The following CNTN5 variants were observed in gnomAD, a reference collection of about 807,000 sequenced individuals.
CNTN5 encodes the protein contactin-5.
A neutral mutation model predicts 129.1 loss-of-function variants in CNTN5; 77 were observed. The observed-to-expected ratio is 0.60, with a 90% CI of 0.50 to 0.72. CNTN5 has a LOEUF of 0.72. CNTN5 is among the 30% of genes least tolerant of loss of function. CNTN5 has a pLI of 0.00. For synonymous variants in CNTN5, 509 were observed against 465.6 expected (o/e 1.09, Z -1.20); for missense variants, 1,478 against 1,328.8 (o/e 1.11, Z -1.75).
At position 100,002,001 on chromosome 11, in the gene CNTN5, T is replaced by C. The variant is rs1939903086; in HGVS notation, c.878-33T>C. The C allele has an allele frequency of 5.8e-6, 8 of 1,382,762 alleles. No individual in the cohort carries two copies. In the South Asian group the frequency reaches 7.9e-5, roughly 14 times the overall value. 85.7% of individuals were successfully genotyped at this position (1,382,762 alleles called of 1,614,324 possible). A position where few individuals can be genotyped will look rare whatever the true frequency, so the allele number is the denominator to read the frequency against. On this transcript the variant is annotated intron_variant, in intron 8 of 24. Coordinates refer to ENST00000524871, the MANE Select transcript of CNTN5 (RefSeq NM_014361.4). ...ATTAAGAAACAAATTGTAACATTCA[T>C]TTGATGCTTAAAGACTATTCTTTCT...
chr11:100,189,896 T>C (rs1217058425), intron 13 of CNTN5, among the ~76,000 whole-genome samples: 3 of 152,130 alleles, frequency 2.0e-5, no homozygotes, highest in Non-Finnish European at 4.4e-5. Context: ...TAAATCAAGT[T>C]TGATCCATAT....
At chr11:99,648,826 T>A (rs1284025006) in intron 3 of CNTN5, among the ~76,000 whole-genome samples, 1 of 151,836 alleles carries the variant, frequency 6.6e-6, no homozygotes, top group Non-Finnish European at 1.5e-5. Flanking sequence ...AAACACTGCA[T>A]GTCCCACTCA....
At position 100,340,540 on chromosome 11, in the gene CNTN5, C is replaced by A. The variant is rs1416667473; in HGVS notation, c.2808C>A (p.Ile936=). 1 of 1,613,172 alleles carries A rather than the reference C, an allele frequency of 6.2e-7. No individual in the cohort carries two copies. The highest frequency in any genetic ancestry group is 1.7e-4 in the Middle Eastern group (1 of 6,058). The change falls in exon 22 of 25, where the codon ATC becomes ATA. Residue 936 remains isoleucine (I), a synonymous_variant. Transcript: ENST00000524871. ...CTAGAGGGAATGAGTCTTTCGTCATCCTAACAGGATTAGAAGGAAATACGT... is the reference window on the plus strand; with the variant it reads ...CTAGAGGGAATGAGTCTTTCGTCATACTAACAGGATTAGAAGGAAATACGT... ...VKTRGNESFV[I]LTGLEGNTLY...
At chr11:99,031,556 G>A (rs1167807212) in intron 1 of CNTN5, among the ~76,000 whole-genome samples, 1 of 151,812 alleles carries the variant, frequency 6.6e-6, no homozygotes, top group Non-Finnish European at 1.5e-5. Flanking sequence ...GCAGACAGGA[G>A]AGGGAGCTGA....
chr11:100,334,961 T>A (rs1207626550), intron 21 of CNTN5, among the ~76,000 whole-genome samples: 1 of 138,128 alleles, frequency 7.2e-6, no homozygotes, highest in African/African-American at 2.9e-5. Context: ...ATTAGACAAT[T>A]TTTTTTTAAA....
intron 1 of CNTN5, among the ~76,000 whole-genome samples, chr11:99,075,809 G>T (rs1458909021): frequency 6.6e-6 from 1 of 152,198 alleles, no homozygotes; most frequent in African/African-American, 2.4e-5. Context: ...ACCAAGTTAA[G>T]ACTGATGTTG....
intron 1 of CNTN5, among the ~76,000 whole-genome samples, chr11:99,070,925 A>C (rs766057189): frequency 1.1e-4 from 17 of 152,164 alleles, no homozygotes; most frequent in Non-Finnish European, 2.4e-4. Flanking sequence ...CCTGGAATGA[A>C]CATGCAAATC....
chr11:99,933,770 C>T (rs1950242899), intron 7 of CNTN5, among the ~76,000 whole-genome samples: 1 of 152,170 alleles, frequency 6.6e-6, no homozygotes, highest in Non-Finnish European at 1.5e-5. Flanking sequence ...GTTATGTCTG[C>T]ACCAAACCTA....
intron 6 of CNTN5, among the ~76,000 whole-genome samples, chr11:99,850,970 C>T (rs760667667): frequency 1.3e-5 from 2 of 152,008 alleles, no homozygotes; most frequent in Non-Finnish European, 1.5e-5. Flanking sequence ...TTTCCTTAAC[C>T]GGAACTAGAA....
chr11:100,229,709 C>G (rs746391777), intron 16 of CNTN5, among the ~76,000 whole-genome samples: 15 of 152,196 alleles, frequency 9.9e-5, no homozygotes, highest in Non-Finnish European at 2.2e-4. Flanking sequence ...GCTGTATCTT[C>G]ACATCTCTCA....
intron 13 of CNTN5, among the ~76,000 whole-genome samples, chr11:100,176,601 C>A (rs1947973275): frequency 1.3e-5 from 2 of 151,924 alleles, no homozygotes; most frequent in Admixed American, 1.3e-4. Context: ...TGAGTTCAGG[C>A]AGATATATTT....
chr11:99,245,084 T>A (rs565628774), intron 1 of CNTN5, among the ~76,000 whole-genome samples: 1 of 152,186 alleles, frequency 6.6e-6, no homozygotes, highest in Non-Finnish European at 1.5e-5. Flanking sequence ...ATGAGGCATA[T>A]GCAAAAAATT....
chr11:100,308,295 C>A (rs1951400388), intron 20 of CNTN5, 64 bp from the exon 21 acceptor site: 2 of 1,435,490 alleles, frequency 1.4e-6, no homozygotes, highest in Middle Eastern at 1.8e-4. Context: ...ACCTGACAGA[C>A]TCAGGCGCAA....
intron 8 of CNTN5, 118 bp from the exon 9 acceptor site, chr11:100,001,916 C>G (rs956014591): frequency 6.9e-5 from 48 of 693,546 alleles, no homozygotes; most frequent in Middle Eastern, 2.5e-4. Context: ...AAAAATTTAA[C>G]AGTCATCAAA....
chr11:99,544,626 G>C (rs1184738542), intron 2 of CNTN5, among the ~76,000 whole-genome samples: 1 of 152,174 alleles, frequency 6.6e-6, no homozygotes, highest in African/African-American at 2.4e-5. Context: ...AGAAATTATA[G>C]TGACTCTACT....
At chr11:100,072,990 C>A (rs376679790) in intron 12 of CNTN5, among the ~76,000 whole-genome samples, 507 of 78,760 alleles carry the variant, frequency 6.4e-3, no homozygotes, top group Middle Eastern at 0.012. Flanking sequence ...TCCCAGGAGG[C>A]AAAAAAAAAA....
intron 6 of CNTN5, among the ~76,000 whole-genome samples, chr11:99,877,974 A>G (rs1331414482): frequency 1.3e-5 from 2 of 152,220 alleles, no homozygotes; most frequent in Admixed American, 6.5e-5. Context: ...TGAACTTCAT[A>G]TTAAGCAGTC....
intron 9 of CNTN5, among the ~76,000 whole-genome samples, chr11:100,005,350 C>T (rs146702602): frequency 1.4e-4 from 22 of 152,252 alleles, no homozygotes; most frequent in African/African-American, 5.3e-4. Context: ...AAATTACATG[C>T]TATACTTGCC....
intron 13 of CNTN5, among the ~76,000 whole-genome samples, chr11:100,126,558 G>A (rs867592896): frequency 4.0e-5 from 6 of 151,640 alleles, no homozygotes; most frequent in Non-Finnish European, 7.4e-5. Context: ...TTTTAAAATC[G>A]TTATTGGTTT....
Sources: gnomAD v4.1 joint callset for allele counts (sites outside exome capture counted in the v4.1 genomes callset) on GRCh38, gnomAD v4.1.1 for gene constraint, MANE v1.5 for transcripts, NCBI Gene and HGNC (gene_info 2026-07-23, HGNC 2026-07-21) for gene names.